GRIN2A: variants seen among roughly 807,000 people sequenced by gnomAD.
The protein encoded by GRIN2A is glutamate ionotropic receptor NMDA type subunit 2A.
GRIN2A carries 22 observed loss-of-function variants against 113.4 expected under a neutral mutation model. That is an observed-to-expected ratio of 0.19 (90% CI 0.14 to 0.28). The LOEUF is 0.28. Among genes scored for constraint, GRIN2A ranks in the 10% least tolerant of loss-of-function variants. The pLI is 1.00. For missense variants in GRIN2A, 1,502 were observed against 1,887.0 expected, an observed-to-expected ratio of 0.80 and a Z score of 3.78; for synonymous variants, 827 against 738.4, an observed-to-expected ratio of 1.12 and a Z score of -1.94.
intron 3 of GRIN2A, among the ~76,000 whole-genome samples, chr16:9,913,208 G>A (rs28498332): frequency 0.022 from 3,301 of 152,220 alleles, 58 homozygotes; most frequent in African/African-American, 0.035. Context: ...TACAATTTCC[G>A]GATGGCAGTC....
intron 3 of GRIN2A, among the ~76,000 whole-genome samples, chr16:9,902,091 A>ATCCCGCCACTGCACTCCAGC: frequency 3.4e-5 from 5 of 145,078 alleles, no homozygotes; most frequent in African/African-American, 1.4e-4. Flanking sequence ...GGGTCAAGAG[A>ATCCCGCCACTGCACTCCAGC]CTTCTGGTTG....
intron 11 of GRIN2A, among the ~76,000 whole-genome samples, chr16:9,776,278 ATTTTTT>A (rs34371083): frequency 7.7e-6 from 1 of 129,664 alleles, no homozygotes; most frequent in Non-Finnish European, 1.6e-5. Context: ...AACATCCTGG[ATTTTTT>A]TTTTTTTTTT....
chr16:9,957,264 A>G (rs1486197522), intron 2 of GRIN2A, among the ~76,000 whole-genome samples: 1 of 152,102 alleles, frequency 6.6e-6, no homozygotes, highest in Non-Finnish European at 1.5e-5. Flanking sequence ...AATTTTACTC[A>G]GGGAAGATTA....
At chr16:10,093,659 T>C (rs2048229209) in intron 2 of GRIN2A, among the ~76,000 whole-genome samples, 2 of 152,104 alleles carry the variant, frequency 1.3e-5, no homozygotes, top group African/African-American at 4.8e-5. Context: ...GATTGCATGA[T>C]TGCACAACTG....
intron 4 of GRIN2A, among the ~76,000 whole-genome samples, chr16:9,886,536 C>A (rs2043589740): frequency 6.6e-6 from 1 of 152,138 alleles, no homozygotes. Flanking sequence ...TTTCCTTAAG[C>A]ATGACAGAAG....
At chr16:9,943,943 G>C (rs1000416200) in intron 2 of GRIN2A, among the ~76,000 whole-genome samples, 1 of 152,168 alleles carries the variant, frequency 6.6e-6, no homozygotes, top group African/African-American at 2.4e-5. Flanking sequence ...TTGAGAAGTA[G>C]GTATTCAAGT....
chr16:10,108,274 G>A (rs1238737473), intron 2 of GRIN2A, among the ~76,000 whole-genome samples: 1 of 152,184 alleles, frequency 6.6e-6, no homozygotes, highest in African/African-American at 2.4e-5. Context: ...AGCTTGTGCA[G>A]GAGAATTCCT....
intron 2 of GRIN2A, among the ~76,000 whole-genome samples, chr16:10,091,043 C>G (rs1377399400): frequency 6.6e-6 from 1 of 152,156 alleles, no homozygotes; most frequent in Non-Finnish European, 1.5e-5. Context: ...ATGGACAACA[C>G]CAAGTGTTGG....
intron 2 of GRIN2A, among the ~76,000 whole-genome samples, chr16:9,984,787 T>C (rs1359007501): frequency 1.5e-4 from 23 of 152,238 alleles, no homozygotes; most frequent in Non-Finnish European, 1.5e-5. Flanking sequence ...TTAGAATTCA[T>C]GGGGGCATCC....
At chr16:9,983,355 G>T (rs184426670) in intron 2 of GRIN2A, among the ~76,000 whole-genome samples, 51 of 152,028 alleles carry the variant, frequency 3.4e-4, no homozygotes, top group South Asian at 8.3e-4. Flanking sequence ...GTGATATTTG[G>T]TTTTTTGTGC....
chr16:9,958,488 C>G (rs1162723501), intron 2 of GRIN2A, among the ~76,000 whole-genome samples: 2 of 152,094 alleles, frequency 1.3e-5, no homozygotes, highest in Non-Finnish European at 1.5e-5. Flanking sequence ...TCTCCTGGGG[C>G]TCTGTTCCCA....
chr16:9,800,341 G>A (rs1319346980), intron 10 of GRIN2A, among the ~76,000 whole-genome samples: 4 of 152,112 alleles, frequency 2.6e-5, no homozygotes, highest in Non-Finnish European at 4.4e-5. Context: ...TGATCACTGT[G>A]GAATGCAGGG....
At chr16:10,167,318 A>G (rs1469641213) in intron 2 of GRIN2A, among the ~76,000 whole-genome samples, 1 of 152,150 alleles carries the variant, frequency 6.6e-6, no homozygotes, top group African/African-American at 2.4e-5. Flanking sequence ...AATTATCTTA[A>G]ATTCTTTGAG....
chr16:10,092,623 A>C (rs1157440296), intron 2 of GRIN2A, among the ~76,000 whole-genome samples: 1 of 152,242 alleles, frequency 6.6e-6, no homozygotes, highest in Non-Finnish European at 1.5e-5. Context: ...TAACTAATTT[A>C]ATGCTCATAA....
intron 10 of GRIN2A, among the ~76,000 whole-genome samples, chr16:9,814,553 C>T (rs2042150455): frequency 6.6e-6 from 1 of 152,148 alleles, no homozygotes; most frequent in Admixed American, 6.5e-5. Context: ...TATGCCTAAA[C>T]CTAAACTCAC....
intron 4 of GRIN2A, among the ~76,000 whole-genome samples, chr16:9,882,281 C>G (rs753836509): frequency 9.9e-5 from 15 of 152,208 alleles, no homozygotes; most frequent in Non-Finnish European, 1.8e-4. Flanking sequence ...CCACGCATCA[C>G]TATGCCTCAC....
At chr16:10,168,103 T>C (rs1596573239) in intron 2 of GRIN2A, among the ~76,000 whole-genome samples, 2 of 152,226 alleles carry the variant, frequency 1.3e-5, no homozygotes, top group Non-Finnish European at 2.9e-5. Context: ...TTCGAGATCA[T>C]TGGCAATTAT....
At chr16:10,050,268 T>G (rs899872708) in intron 2 of GRIN2A, among the ~76,000 whole-genome samples, 2 of 152,132 alleles carry the variant, frequency 1.3e-5, no homozygotes, top group African/African-American at 4.8e-5. Flanking sequence ...ACAGGTGACC[T>G]CTGGAGTAGG....
In GRIN2A at chr16:10,069,655, C is replaced by T. The variant is rs2047713833; in HGVS notation, c.414+110343G>A. ...GGCCAGGGGCCATTAGATGCACACA[C>T]TTGAGCAGAACAAAGTACATCAAGC... is the stretch of plus-strand genomic sequence containing the variant. On this transcript the variant is annotated intron_variant, in intron 2 of 12. Coordinates refer to ENST00000330684, the MANE Select transcript of GRIN2A (RefSeq NM_001134407.3). 2.0e-5 allele frequency among the ~76,000 whole-genome samples: 3 copies of T among 152,258 alleles called. No homozygotes were observed. The South Asian group carries it at 6.2e-4, about 31-fold the overall frequency.
Sources: allele counts gnomAD v4.1 joint callset (sites outside exome capture counted in the v4.1 genomes callset), GRCh38; gene constraint gnomAD v4.1.1; transcripts MANE v1.5; gene names NCBI Gene and HGNC (gene_info 2026-07-23, HGNC 2026-07-21).